MOXD1: variants seen among roughly 807,000 people sequenced by gnomAD.
The protein encoded by MOXD1 is monooxygenase DBH like 1, also known as DBH-like monooxygenase protein 1.
A neutral mutation model predicts 66.6 loss-of-function variants in MOXD1; 62 were observed. The ratio of observed to expected loss-of-function variants is 0.93; its 90% CI spans 0.76 to 1.15. The LOEUF (loss-of-function observed/expected upper bound fraction) is 1.15, where lower values mean the gene tolerates loss of function less well. MOXD1 is among the 50% of genes most tolerant of loss of function. MOXD1 has a pLI of 0.00. For missense variants in MOXD1, 847 were observed against 754.6 expected (o/e 1.12, Z -1.44); for synonymous variants, 303 against 281.9 (o/e 1.07, Z -0.75).
intron 4 of MOXD1, among the ~76,000 whole-genome samples, chr6:132,341,701 C>G (rs144311603): frequency 6.6e-6 from 1 of 152,182 alleles, no homozygotes. Flanking sequence ...CTTACACTTA[C>G]GATTTCATTC....
chr6:132,326,723 G>A (rs1466200480), intron 6 of MOXD1, among the ~76,000 whole-genome samples: 2 of 152,022 alleles, frequency 1.3e-5, no homozygotes, highest in African/African-American at 2.4e-5. Flanking sequence ...TCAGAGTATG[G>A]GATATAATTG....
chr6:132,358,002 T>A (rs1582592241), intron 4 of MOXD1, among the ~76,000 whole-genome samples: 1 of 152,302 alleles, frequency 6.6e-6, no homozygotes, highest in East Asian at 1.9e-4. Flanking sequence ...ATATTTCACA[T>A]CTATTGTGCC....
intron 1 of MOXD1, among the ~76,000 whole-genome samples, chr6:132,400,618 GA>G (rs1777001040): frequency 6.6e-6 from 1 of 152,052 alleles, no homozygotes; most frequent in Admixed American, 6.5e-5. Context: ...CTCGGAATAG[GA>G]AAGTCCCTAA....
At chr6:132,346,897 C>A (rs182031043) in intron 4 of MOXD1, among the ~76,000 whole-genome samples, 1 of 152,146 alleles carries the variant, frequency 6.6e-6, no homozygotes, top group South Asian at 2.1e-4. Flanking sequence ...AGTCTCTCAT[C>A]CAACAAGCAT....
At chr6:132,361,200 A>G (rs1430523618) in intron 4 of MOXD1, among the ~76,000 whole-genome samples, 5 of 152,120 alleles carry the variant, frequency 3.3e-5, no homozygotes, top group Non-Finnish European at 7.4e-5. Flanking sequence ...TATATATTTC[A>G]CTAGAGCATA....
chr6:132,379,353 T>C (rs1776465228), intron 1 of MOXD1, among the ~76,000 whole-genome samples: 1 of 152,124 alleles, frequency 6.6e-6, no homozygotes, highest in Non-Finnish European at 1.5e-5. Context: ...GAAGGGCACT[T>C]CTTCAACCCT....
chr6:132,320,209 C>T (rs1775048356), intron 9 of MOXD1, among the ~76,000 whole-genome samples: 2 of 152,066 alleles, frequency 1.3e-5, no homozygotes, highest in African/African-American at 4.8e-5. Context: ...TGGTGGAATT[C>T]CCCCAGTAAA....
In MOXD1 at chr6:132,364,723, G is replaced by C. The variant is rs56352333; in HGVS notation, c.663+7885C>G. On this transcript the variant is annotated intron_variant, in intron 4 of 11. Coordinates refer to ENST00000367963, the MANE Select transcript of MOXD1 (RefSeq NM_015529.4). The stretch of plus-strand genomic sequence containing the variant: ...CTGAAGCAAATTGGGAATATAGCCA[G>C]TACTTATTGAGCTATCTAATACATT... Among the ~76,000 whole-genome samples the C allele has an allele frequency of 2.4e-3, 360 of 152,306 alleles. 5 individuals are homozygous for C. Among genetic ancestry groups the C allele is most frequent in the African/African-American group, 8.5e-3 (355 of 41,562 alleles).
In MOXD1 at chr6:132,297,869, T is replaced by C. The variant is rs753934595; in HGVS notation, c.1595A>G (p.Lys532Arg). 5 of 1,613,390 alleles carry C rather than the reference T, an allele frequency of 3.1e-6. No homozygotes were observed. The highest frequency in any genetic ancestry group is 1.3e-5 in the African/African-American group (1 of 74,882). Reference protein sequence around the residue: ...DAMNKFKWTKKEGLSFNKLVL... With the variant: ...DAMNKFKWTKREGLSFNKLVL... ...CAGCTTGTTGAAGGAGAGACCTTCC[T>C]TTTTAGTCCATTTAAACTTATTCAT... The change falls in exon 11 of 12, where the codon AAG (lysine) becomes AGG (arginine). Residue 532 changes from lysine to arginine, a missense_variant. Lys to Arg is a conservative substitution (Grantham distance 26, BLOSUM62 2). Transcript: ENST00000367963.
intron 1 of MOXD1, 77 bp from the exon 2 acceptor site, chr6:132,374,854 A>G: frequency 2.2e-6 from 3 of 1,369,658 alleles, no homozygotes; most frequent in Non-Finnish European, 3.1e-6. Context: ...TTTAAAGACA[A>G]AGTCTTGTTG....
intron 4 of MOXD1, among the ~76,000 whole-genome samples, chr6:132,347,730 A>G (rs928149992): frequency 6.6e-6 from 1 of 152,192 alleles, no homozygotes; most frequent in African/African-American, 2.4e-5. Context: ...CTAGTTGGAA[A>G]AGGGATAGCA....
At chr6:132,394,621 TA>T (rs1319963648) in intron 1 of MOXD1, among the ~76,000 whole-genome samples, 1 of 82,858 alleles carries the variant, frequency 1.2e-5, no homozygotes, top group Non-Finnish European at 2.0e-5. Context: ...ATAGATGTCA[TA>T]AAAAAAGAGA....
At chr6:132,323,511 A>C (rs1359426413) in intron 7 of MOXD1, among the ~76,000 whole-genome samples, 7 of 152,118 alleles carry the variant, frequency 4.6e-5, no homozygotes, top group African/African-American at 9.7e-5. Context: ...ATATTTTTTT[A>C]TATTAGTTAT....
intron 4 of MOXD1, among the ~76,000 whole-genome samples, chr6:132,334,217 C>T (rs1177169510): frequency 6.6e-6 from 1 of 152,156 alleles, no homozygotes; most frequent in Non-Finnish European, 1.5e-5. Flanking sequence ...ATCAATGAGG[C>T]TGAATCATTA....
intron 4 of MOXD1, among the ~76,000 whole-genome samples, chr6:132,332,671 G>A (rs865787900): frequency 6.6e-6 from 1 of 152,136 alleles, no homozygotes; most frequent in Admixed American, 6.5e-5. Flanking sequence ...GCTTAGCACA[G>A]GATAGGATTT....
rs150340728 is a variant in MOXD1 at position 132,337,254 on chromosome 6, TAATC to T, written c.664-8664_664-8661del. On this transcript the variant is annotated intron_variant, in intron 4 of 11. Coordinates refer to ENST00000367963, the MANE Select transcript of MOXD1 (RefSeq NM_015529.4). ...ACTTGCAAATAAAAGTCCTGATTAA[TAATC>T]AAACACAAATAAGTATAAATCATCA... Among the ~76,000 whole-genome samples, 1,102 of 152,356 alleles carry T rather than the reference TAATC, an allele frequency of 7.2e-3. 34 individuals are homozygous for T. The highest frequency in any genetic ancestry group is 0.053 in the Admixed American group (808 of 15,296).
intron 6 of MOXD1, among the ~76,000 whole-genome samples, chr6:132,327,489 TATC>T (rs1409456652): frequency 2.6e-5 from 4 of 152,228 alleles, no homozygotes; most frequent in African/African-American, 9.6e-5. Flanking sequence ...GGATTTGGAA[TATC>T]ATACAAATGA....
intron 4 of MOXD1, among the ~76,000 whole-genome samples, chr6:132,347,038 A>G (rs1775681140): frequency 6.6e-6 from 1 of 152,190 alleles, no homozygotes; most frequent in Non-Finnish European, 1.5e-5. Flanking sequence ...AATATACAAT[A>G]ATAGCTATCG....
At position 132,373,875 on chromosome 6, in the gene MOXD1, A is replaced by G. The variant is rs561352747; in HGVS notation, c.411+756T>C. Among the ~76,000 whole-genome samples, 27 of 152,226 alleles carry G rather than the reference A, an allele frequency of 1.8e-4. 1 individual carries two copies. Among genetic ancestry groups the G allele is most frequent in the Non-Finnish European group, 4.0e-4 (27 of 68,044 alleles). On this transcript the variant is annotated intron_variant, in intron 2 of 11. Coordinates refer to ENST00000367963, the MANE Select transcript of MOXD1 (RefSeq NM_015529.4). ...TAATTATTATTCCAATTAAAGTATA[A>G]TTGCACTGTATATTGCATTAAAAAG...
Sources: allele counts gnomAD v4.1 joint callset (sites outside exome capture counted in the v4.1 genomes callset), GRCh38; gene constraint gnomAD v4.1.1; transcripts MANE v1.5; gene names NCBI Gene and HGNC (gene_info 2026-07-23, HGNC 2026-07-21).